Variants in KCNQ1 observed in about 807,000 individuals in gnomAD.
KCNQ1 encodes the protein potassium voltage-gated channel subfamily KQT member 1.
KCNQ1 carries 49 observed loss-of-function variants against 72.4 expected under a neutral mutation model. The observed-to-expected ratio is 0.68, with a 90% confidence interval of 0.54 to 0.86. The LOEUF is 0.86. KCNQ1 is among the 40% of genes least tolerant of loss of function. KCNQ1 has a pLI of 0.00. For synonymous variants in KCNQ1, 450 were observed against 412.6 expected (o/e 1.09, Z -1.10); for missense variants, 790 against 945.1 (o/e 0.84, Z 2.15).
chr11:2,826,496 G>A lies in KCNQ1; in HGVS notation c.1795-21271G>A, dbSNP rs1319336936. Among the ~76,000 whole-genome samples the A allele has an allele frequency of 2.0e-5, 3 of 152,220 alleles. No individual in the cohort carries two copies. The highest frequency in any genetic ancestry group is 7.2e-5 in the African/African-American group (3 of 41,456). On this transcript the variant is annotated intron_variant, in intron 15 of 15. Coordinates refer to ENST00000155840, the MANE Select transcript of KCNQ1 (RefSeq NM_000218.3). The surrounding 1 kb of genome is among the most constrained non-coding windows in gnomAD (Gnocchi z 4.2). The stretch of plus-strand genomic sequence containing the variant: ...CTCAGGCAGACCCGGCGTTGGGTGC[G>A]CCAGGCCGGTGTGGGAGCACTTTCC...
intron 2 of KCNQ1, among the ~76,000 whole-genome samples, chr11:2,542,480 TGGAA>T (rs1847843836): frequency 6.6e-6 from 1 of 152,160 alleles, no homozygotes; most frequent in African/African-American, 2.4e-5. Context: ...TGGCATAGAG[TGGAA>T]GGCCTTGTTT....
chr11:2,796,601 G>T (rs893985197), intron 15 of KCNQ1, among the ~76,000 whole-genome samples: 13 of 152,348 alleles, frequency 8.5e-5, no homozygotes, highest in South Asian at 8.3e-4. Context: ...GAAGGGGCCT[G>T]TGTCCAGGTT....
chr11:2,735,643 A>G lies in KCNQ1; in HGVS notation c.1515-33201A>G, dbSNP rs1845944365. 6.6e-6 allele frequency among the ~76,000 whole-genome samples: 1 copy of G among 152,090 alleles called. No homozygotes were observed. Among genetic ancestry groups the G allele is most frequent in the South Asian group, 2.1e-4 (1 of 4,810 alleles). On this transcript the variant is annotated intron_variant, in intron 11 of 15. Transcript: ENST00000155840. This position sits in a 1 kb window ranked among gnomAD's most constrained non-coding sequence, Gnocchi z 7.7. ...TGAGTCCACTCCGCTGTCACCACCA[A>G]GACCACAGTGGGGCAGTTTAAACAG...
At position 2,647,857 on chromosome 11, in the gene KCNQ1, T is replaced by C. The variant is rs1381444521; in HGVS notation, c.1394-14104T>C. On this transcript the variant is annotated intron_variant, in intron 10 of 15. Coordinates refer to ENST00000155840, the MANE Select transcript of KCNQ1 (RefSeq NM_000218.3). The surrounding 1 kb of genome is among the most constrained non-coding windows in gnomAD (Gnocchi z 4.0). ...TGTAAGTCTCCTTTTTCATTTCTGA[T>C]TTTATTTATTGGGTCTTCTTGGTTA... The C allele has an allele frequency of 2.5e-6, 1 of 398,414 alleles. No homozygotes were observed. Among genetic ancestry groups the C allele is most frequent in the Non-Finnish European group, 4.4e-6 (1 of 226,048 alleles). The allele number at this position is 398,414 out of a possible 1,614,324, so 24.7% of individuals were successfully genotyped here.
In KCNQ1 at chr11:2,515,933, C is replaced by G. The variant is rs1158266179; in HGVS notation, c.387-11995C>G. On this transcript the variant is annotated intron_variant, in intron 1 of 15. Transcript: ENST00000155840. This position sits in a 1 kb window ranked among gnomAD's most constrained non-coding sequence, Gnocchi z 4.7. ...GGCCACCCCTGTCCTCTGCTGAGGC[C>G]CTGACCACCTCTATGTGTGCCATGG... Among the ~76,000 whole-genome samples, 1 of 151,868 alleles carries G rather than the reference C, an allele frequency of 6.6e-6. No homozygotes were observed.
At chr11:2,570,163 C>T (rs1848306378) in intron 2 of KCNQ1, among the ~76,000 whole-genome samples, 1 of 140,074 alleles carries the variant, frequency 7.1e-6, no homozygotes, top group Non-Finnish European at 1.5e-5. Flanking sequence ...CTGGCCCAAG[C>T]TGGGGTTCCT....
intron 15 of KCNQ1, among the ~76,000 whole-genome samples, chr11:2,838,562 G>T (rs1848132640): frequency 6.6e-6 from 1 of 152,170 alleles, no homozygotes; most frequent in East Asian, 1.9e-4. Flanking sequence ...TCCGGGGACA[G>T]CGAGGGGTAT....
intron 2 of KCNQ1, among the ~76,000 whole-genome samples, chr11:2,548,731 T>C (rs1268137269): frequency 1.3e-5 from 2 of 152,264 alleles, no homozygotes; most frequent in African/African-American, 4.8e-5. Flanking sequence ...TGTGTGTTTA[T>C]GCGTGTGCAC....
Position 2,690,824 on chromosome 11 carries a change from G to T in KCNQ1, c.1514+28743G>T, listed in dbSNP as rs978053292. The T allele has an allele frequency of 1.8e-5, 7 of 398,506 alleles. No individual in the cohort carries two copies. Among genetic ancestry groups the T allele is most frequent in the African/African-American group, 1.2e-4 (6 of 48,610 alleles). The allele number at this position is 398,506 out of a possible 1,614,324, so 24.7% of individuals were successfully genotyped here. On this transcript the variant is annotated intron_variant, in intron 11 of 15. Coordinates refer to ENST00000155840, the MANE Select transcript of KCNQ1 (RefSeq NM_000218.3). The surrounding 1 kb of genome is among the most constrained non-coding windows in gnomAD (Gnocchi z 5.1). ...TGTCTCCTTGGCTTCCAGCTTCCAG[G>T]CTCTGGCACTCCCACTGTTAGGAAC...
intron 11 of KCNQ1, among the ~76,000 whole-genome samples, chr11:2,738,314 TATC>T (rs1845993187): frequency 2.0e-5 from 3 of 151,386 alleles, no homozygotes; most frequent in Admixed American, 6.5e-5. Context: ...GCAGACGTGT[TATC>T]ATGAAGCCGG....
chr11:2,772,574 C>T lies in KCNQ1; in HGVS notation c.1591-3386C>T, dbSNP rs1022473673. 1.3e-5 allele frequency among the ~76,000 whole-genome samples: 2 copies of T among 152,128 alleles called. No individual in the cohort carries two copies. The highest frequency in any genetic ancestry group is 1.5e-5 in the Non-Finnish European group (1 of 68,028). ...TCTGTGGGCTGGGATGCCACCGGGC[C>T]GTGGGTCCTCATGGTCTGCGGGCAT... On this transcript the variant is annotated intron_variant, in intron 12 of 15. Transcript: ENST00000155840. This position sits in a 1 kb window ranked among gnomAD's most constrained non-coding sequence, Gnocchi z 6.6.
chr11:2,753,513 C>T (rs561715325), intron 11 of KCNQ1, among the ~76,000 whole-genome samples: 1 of 152,368 alleles, frequency 6.6e-6, no homozygotes, highest in South Asian at 2.1e-4. Flanking sequence ...CCCTCTGGAG[C>T]CTGCCTCTCT....
chr11:2,647,994 G>A lies in KCNQ1; in HGVS notation c.1394-13967G>A, dbSNP rs957451864. 5.0e-5 allele frequency: 20 copies of A among 396,668 alleles called. No individual in the cohort carries two copies. Among genetic ancestry groups the A allele is most frequent in the Non-Finnish European group, 7.5e-5 (17 of 225,896 alleles). The allele number at this position is 396,668 out of a possible 1,614,324, so 24.6% of individuals were successfully genotyped here. On this transcript the variant is annotated intron_variant, in intron 10 of 15. Transcript: ENST00000155840. This position sits in a 1 kb window ranked among gnomAD's most constrained non-coding sequence, Gnocchi z 4.0. ...TTTGGAAGGCCAAGGCAGGCCGATC[G>A]CTTGAGTCCAGGAGTTTGAGACCAG...
chr11:2,629,784 A>C (rs939144803), intron 10 of KCNQ1: 2 of 398,304 alleles, frequency 5.0e-6, no homozygotes, highest in South Asian at 1.3e-4. Flanking sequence ...GTATCCTGCC[A>C]CTTTACTGAG....
intron 15 of KCNQ1, among the ~76,000 whole-genome samples, chr11:2,834,028 T>G (rs1033301636): frequency 6.6e-6 from 1 of 152,336 alleles, no homozygotes; most frequent in South Asian, 2.1e-4. Flanking sequence ...AGCCAGGGGC[T>G]GGCTCCCGGG....
Position 2,712,801 on chromosome 11 carries a change from C to T in KCNQ1, c.1514+50720C>T, listed in dbSNP as rs771805529. ...TTTCTGCACGGGACTCCCTCACAGC[C>T]TCTGGGTTGGGAGCACACATGGCAT... On this transcript the variant is annotated intron_variant, in intron 11 of 15. Coordinates refer to ENST00000155840, the MANE Select transcript of KCNQ1 (RefSeq NM_000218.3). This position sits in a 1 kb window ranked among gnomAD's most constrained non-coding sequence, Gnocchi z 6.4. Among the ~76,000 whole-genome samples the T allele has an allele frequency of 6.6e-6, 1 of 152,184 alleles. No homozygotes were observed. The highest frequency in any genetic ancestry group is 1.5e-5 in the Non-Finnish European group (1 of 68,032).
intron 2 of KCNQ1, among the ~76,000 whole-genome samples, chr11:2,570,223 C>T (rs924366373): frequency 3.3e-5 from 5 of 152,086 alleles, no homozygotes; most frequent in African/African-American, 7.3e-5. Flanking sequence ...GTCGGACGCC[C>T]TCTGGCCCAA....
At position 2,785,402 on chromosome 11, in the gene KCNQ1, G is replaced by C. The variant is rs1846891978; in HGVS notation, c.1794+7365G>C. ...ATTTGGTTTGCTAATATTTTGTTAA[G>C]AATGTTTGTGTCTTCAACCTAGGAA... On this transcript the variant is annotated intron_variant, in intron 15 of 15. Transcript: ENST00000155840. This position sits in a 1 kb window ranked among gnomAD's most constrained non-coding sequence, Gnocchi z 4.4. 6.6e-6 allele frequency among the ~76,000 whole-genome samples: 1 copy of C among 151,232 alleles called. No homozygotes were observed. Among genetic ancestry groups the C allele is most frequent in the Non-Finnish European group, 1.5e-5 (1 of 67,636 alleles).
At position 2,664,057 on chromosome 11, in the gene KCNQ1, C is replaced by G. The variant is rs1322517362; in HGVS notation, c.1514+1976C>G. 4 of 398,802 alleles carry G rather than the reference C, an allele frequency of 1.0e-5. No homozygotes were observed. The highest frequency in any genetic ancestry group is 1.8e-5 in the Non-Finnish European group (4 of 226,186). The allele number at this position is 398,802 out of a possible 1,614,324, so 24.7% of individuals were successfully genotyped here. On this transcript the variant is annotated intron_variant, in intron 11 of 15. Coordinates refer to ENST00000155840, the MANE Select transcript of KCNQ1 (RefSeq NM_000218.3). The surrounding 1 kb of genome is among the most constrained non-coding windows in gnomAD (Gnocchi z 5.1). ...CCTTTTCAGGTTGGCACTCCCATGGCCTCCAGTGATAAGTGGGCCCAGGCA... is the reference window on the plus strand; with the variant it reads ...CCTTTTCAGGTTGGCACTCCCATGGGCTCCAGTGATAAGTGGGCCCAGGCA...
Sources: gnomAD v4.1 joint callset for allele counts (sites outside exome capture counted in the v4.1 genomes callset) on GRCh38, gnomAD v4.1.1 for gene constraint, Gnocchi (gnomAD v3.1) non-coding constraint, MANE v1.5 for transcripts, NCBI Gene and HGNC (gene_info 2026-07-23, HGNC 2026-07-21) for gene names.